MYT1L: variants seen among roughly 807,000 people sequenced by gnomAD.
MYT1L encodes myelin transcription factor 1 like, also known as myelin transcription factor 1-like protein.
Under a neutral mutation model 126.7 loss-of-function variants are expected in MYT1L, and 12 were observed. That is an observed-to-expected ratio of 0.09 (90% confidence interval 0.06 to 0.15). The LOEUF (loss-of-function observed/expected upper bound fraction) is 0.15. MYT1L is among the 10% of genes least tolerant of loss of function. MYT1L has a pLI of 1.00. For missense variants in MYT1L, 979 were observed against 1,585.2 expected, an observed-to-expected ratio of 0.62 and a Z score of 6.49; for synonymous variants, 541 against 604.2, an observed-to-expected ratio of 0.90 and a Z score of 1.53.
At position 1,790,050 on chromosome 2, in the gene MYT1L, A is replaced by G. The variant is rs148290093; in HGVS notation, c.*1817T>C. On this transcript the variant is annotated 3_prime_UTR_variant, in exon 25 of 25. Transcript: ENST00000647738. ...GTAGTCTCCCTTTGCAACATTATTG[A>G]TCAGCCGTGAGGGCTCCTCTATAAT... 1 of 152,248 alleles carries G rather than the reference A, an allele frequency of 6.6e-6. No homozygotes were observed. Among genetic ancestry groups the G allele is most frequent in the East Asian group, 1.9e-4 (1 of 5,174 alleles). The allele number at this position is 152,248 out of a possible 1,614,324, so 9.4% of individuals were successfully genotyped here.
intron 1 of MYT1L, among the ~76,000 whole-genome samples, chr2:2,291,632 TTC>T (rs2095601252): frequency 6.6e-6 from 1 of 152,126 alleles, no homozygotes; most frequent in Non-Finnish European, 1.5e-5. Context: ...GCGTGATGGG[TTC>T]TGAGTCCCGG....
intron 2 of MYT1L, among the ~76,000 whole-genome samples, chr2:2,230,554 C>T (rs1167185441): frequency 6.6e-6 from 1 of 152,206 alleles, no homozygotes; most frequent in East Asian, 1.9e-4. Context: ...CTGAGCTCTG[C>T]CATCGCCACT....
chr2:2,027,937 A>T (rs1336095066), intron 4 of MYT1L, among the ~76,000 whole-genome samples: 1 of 152,222 alleles, frequency 6.6e-6, no homozygotes, highest in Non-Finnish European at 1.5e-5. Flanking sequence ...CAAATGTAAA[A>T]CTGAAGAATG....
chr2:1,972,028 G>A (rs917274502), intron 8 of MYT1L, among the ~76,000 whole-genome samples: 5 of 152,174 alleles, frequency 3.3e-5, no homozygotes, highest in Admixed American at 6.5e-5. Context: ...AAGGACGGGC[G>A]TGCATAAAGC....
chr2:2,080,840 T>C (rs2075747925), intron 3 of MYT1L, among the ~76,000 whole-genome samples: 1 of 152,192 alleles, frequency 6.6e-6, no homozygotes, highest in Admixed American at 6.5e-5. Context: ...CACAGCAATT[T>C]CACTCCTAAG....
At chr2:1,973,563 A>G (rs935758500) in intron 8 of MYT1L, among the ~76,000 whole-genome samples, 1 of 152,238 alleles carries the variant, frequency 6.6e-6, no homozygotes, top group Non-Finnish European at 1.5e-5. Flanking sequence ...TTGACATGCG[A>G]TATTTTAGCT....
intron 8 of MYT1L, among the ~76,000 whole-genome samples, chr2:1,951,141 C>T (rs1573903415): frequency 6.6e-6 from 1 of 152,020 alleles, no homozygotes; most frequent in African/African-American, 2.4e-5. Flanking sequence ...GCAGAAATAC[C>T]ATACTTCTCT....
At chr2:1,798,192 C>G (rs1219077810) in intron 23 of MYT1L, among the ~76,000 whole-genome samples, 1 of 67,152 alleles carries the variant, frequency 1.5e-5, no homozygotes, top group Non-Finnish European at 3.4e-5. Context: ...CGGCGGTCTC[C>G]CTCTTCTCCG....
At chr2:2,003,799 G>A (rs1036478719) in intron 4 of MYT1L, among the ~76,000 whole-genome samples, 1 of 152,178 alleles carries the variant, frequency 6.6e-6, no homozygotes, top group African/African-American at 2.4e-5. Flanking sequence ...TCAGCCTCTG[G>A]GAGCAGCACC....
At chr2:2,003,531 C>T (rs1164324110) in intron 4 of MYT1L, among the ~76,000 whole-genome samples, 3 of 152,220 alleles carry the variant, frequency 2.0e-5, no homozygotes, top group Admixed American at 6.5e-5. Flanking sequence ...TGGACCATGG[C>T]CTGTGGGCCT....
intron 1 of MYT1L, among the ~76,000 whole-genome samples, chr2:2,305,649 A>G (rs2095848090): frequency 6.6e-6 from 1 of 152,180 alleles, no homozygotes. Flanking sequence ...TAATTGAACC[A>G]CAGCTCCACA....
At chr2:2,273,975 CT>C (rs2095313209) in intron 2 of MYT1L, among the ~76,000 whole-genome samples, 1 of 151,994 alleles carries the variant, frequency 6.6e-6, no homozygotes, top group Admixed American at 6.6e-5. Context: ...TAATGAAATA[CT>C]TTTCAAATGA....
At chr2:2,043,461 T>A (rs2067790887) in intron 4 of MYT1L, among the ~76,000 whole-genome samples, 1 of 152,192 alleles carries the variant, frequency 6.6e-6, no homozygotes, top group African/African-American at 2.4e-5. Context: ...CTACAATGTG[T>A]TTGTTAACTT....
chr2:1,909,218 C>A (rs560491398), intron 13 of MYT1L, among the ~76,000 whole-genome samples: 6 of 152,272 alleles, frequency 3.9e-5, no homozygotes, highest in South Asian at 4.2e-4. Context: ...ACCTCCTGGG[C>A]TCAAATCAAT....
At chr2:1,953,165 G>A (rs2058041561) in intron 8 of MYT1L, among the ~76,000 whole-genome samples, 1 of 152,036 alleles carries the variant, frequency 6.6e-6, no homozygotes, top group African/African-American at 2.4e-5. Flanking sequence ...GTTTTGCCAT[G>A]TTGCCTAGGC....
chr2:2,107,187 C>G (rs1235411087), intron 3 of MYT1L, among the ~76,000 whole-genome samples: 4 of 152,212 alleles, frequency 2.6e-5, no homozygotes, highest in African/African-American at 9.6e-5. Context: ...GAATGTAAGA[C>G]TGAGACGTGG....
intron 4 of MYT1L, among the ~76,000 whole-genome samples, chr2:2,030,788 T>C (rs1187725012): frequency 4.6e-5 from 7 of 152,224 alleles, no homozygotes; most frequent in Non-Finnish European, 1.0e-4. Flanking sequence ...CCCACACTGA[T>C]ATGATGTGTA....
At chr2:1,854,457 C>T (rs763924681) in intron 18 of MYT1L, among the ~76,000 whole-genome samples, 4 of 152,070 alleles carry the variant, frequency 2.6e-5, no homozygotes, top group Admixed American at 6.5e-5. Flanking sequence ...ATGAGATTAA[C>T]GGAAAATAGC....
At chr2:1,878,209 T>C (rs1157905702) in intron 18 of MYT1L, among the ~76,000 whole-genome samples, 1 of 152,194 alleles carries the variant, frequency 6.6e-6, no homozygotes, top group Non-Finnish European at 1.5e-5. Context: ...AACAGTGAGG[T>C]TTGCACTCAT....
Sources: gnomAD v4.1 joint callset for allele counts (sites outside exome capture counted in the v4.1 genomes callset) on GRCh38, gnomAD v4.1.1 for gene constraint, MANE v1.5 for transcripts, NCBI Gene and HGNC (gene_info 2026-07-23, HGNC 2026-07-21) for gene names.